CPM: variants seen among roughly 807,000 people sequenced by gnomAD.
CPM encodes renal carboxypeptidase.
In CPM, 35 loss-of-function variants were observed where a neutral mutation model predicts 46.4. The observed-to-expected ratio is 0.75, with a 90% confidence interval of 0.58 to 1.00. The LOEUF (loss-of-function observed/expected upper bound fraction) is 1.00. Ranked by LOEUF, CPM falls within the 50% of genes least tolerant of loss-of-function variation. The pLI, the probability that CPM is intolerant of heterozygous loss-of-function variation, is 0.00. For missense variants in CPM, 422 were observed against 530.4 expected, an observed-to-expected ratio of 0.80 and a Z score of 2.01; for synonymous variants, 195 against 195.3, an observed-to-expected ratio of 1.00 and a Z score of 0.01.
At chr12:68,928,243 C>T (rs899998649) in intron 2 of CPM, among the ~76,000 whole-genome samples, 5 of 152,194 alleles carry the variant, frequency 3.3e-5, no homozygotes, top group Non-Finnish European at 7.3e-5. Flanking sequence ...TGATCTTTGA[C>T]AAACCTGAGA....
intron 2 of CPM, among the ~76,000 whole-genome samples, chr12:68,929,044 A>T (rs1264430828): frequency 6.6e-6 from 1 of 151,956 alleles, no homozygotes; most frequent in African/African-American, 2.4e-5. Flanking sequence ...AGGAAATCTC[A>T]TTTAAAATGG....
chr12:68,925,758 T>G (rs956561482), intron 2 of CPM, among the ~76,000 whole-genome samples: 18 of 152,170 alleles, frequency 1.2e-4, no homozygotes, highest in African/African-American at 4.1e-4. Context: ...TGAACTAGAA[T>G]TCCTTTTGTA....
intron 1 of CPM, chr12:68,957,789 C>G (rs1282383824): frequency 6.6e-6 from 1 of 151,892 alleles, no homozygotes; most frequent in Non-Finnish European, 1.5e-5. Context: ...TTTGCTGCAC[C>G]CATCAACTCA....
At chr12:68,926,934 G>A (rs930449814) in intron 2 of CPM, among the ~76,000 whole-genome samples, 1 of 152,194 alleles carries the variant, frequency 6.6e-6, no homozygotes, top group Non-Finnish European at 1.5e-5. Context: ...TGGTGTATAT[G>A]TGCCACATTT....
rs1187581090 is a variant in CPM, at chr12:68,853,846, G to C, written c.*2591C>G. The C allele has an allele frequency of 6.6e-6, 1 of 152,044 alleles. No individual in the cohort carries two copies. The highest frequency in any genetic ancestry group is 1.5e-5 in the Non-Finnish European group (1 of 68,002). The allele number at this position is 152,044 out of a possible 1,614,324, so 9.4% of individuals were successfully genotyped here. ...GAAAGGAGGGAGGAAGGTAGGAAGA[G>C]GAGAAGGAAGGAAGAAAGGAAAGAA... On this transcript the variant is annotated 3_prime_UTR_variant, in exon 9 of 9. Coordinates refer to ENST00000551568, the MANE Select transcript of CPM (RefSeq NM_198320.5).
In CPM at chr12:68,877,245, C is replaced by A. The variant is rs1885998878; in HGVS notation, c.259-5289G>T. On this transcript the variant is annotated intron_variant, in intron 3 of 8. Transcript: ENST00000551568. Reference sequence around the variant, plus strand: ...ACTGACCTCCCTTTCTCTAACTCCACCATCGAAGCCCCGAAGTCAGGGACC... The same window carrying A: ...ACTGACCTCCCTTTCTCTAACTCCAACATCGAAGCCCCGAAGTCAGGGACC... Among the ~76,000 whole-genome samples the A allele has an allele frequency of 2.0e-5, 3 of 152,178 alleles. No individual in the cohort carries two copies. In the South Asian group the frequency reaches 6.2e-4, roughly 32 times the overall value.
intron 2 of CPM, among the ~76,000 whole-genome samples, chr12:68,931,756 AAAAAAAAAAAG>A (rs2136322954): frequency 6.7e-6 from 1 of 148,800 alleles, no homozygotes; most frequent in East Asian, 1.9e-4. Flanking sequence ...AAAAAAAAAA[AAAAAAAAAAAG>A]AAAGAAAGAA....
At chr12:68,902,005 A>G (rs1284768353) in intron 2 of CPM, among the ~76,000 whole-genome samples, 2 of 152,202 alleles carry the variant, frequency 1.3e-5, no homozygotes, top group East Asian at 1.9e-4. Flanking sequence ...ATATGCATCA[A>G]TGCAGGACCA....
intron 2 of CPM, among the ~76,000 whole-genome samples, chr12:68,890,577 C>A (rs1886614735): frequency 6.6e-6 from 1 of 151,930 alleles, no homozygotes; most frequent in Non-Finnish European, 1.5e-5. Flanking sequence ...GGATCTAAGG[C>A]TGCCTCAATG....
intron 2 of CPM, among the ~76,000 whole-genome samples, chr12:68,894,083 C>A (rs1259296916): frequency 1.3e-5 from 2 of 152,154 alleles, no homozygotes; most frequent in Non-Finnish European, 2.9e-5. Flanking sequence ...CTCCACCCCA[C>A]CCCTTGGCTG....
chr12:68,875,180 G>A lies in CPM; in HGVS notation c.259-3224C>T, dbSNP rs184404632. ...AGCCTGGGCAACATGGTAAAACCTCGTCTCTACTAAAAATACAAAAATTAG... is the reference window on the plus strand; with the variant it reads ...AGCCTGGGCAACATGGTAAAACCTCATCTCTACTAAAAATACAAAAATTAG... On this transcript the variant is annotated intron_variant, in intron 3 of 8. Coordinates refer to ENST00000551568, the MANE Select transcript of CPM (RefSeq NM_198320.5). 4.6e-5 allele frequency among the ~76,000 whole-genome samples: 7 copies of A among 151,916 alleles called. No individual in the cohort carries two copies. In the East Asian group the frequency reaches 1.2e-3, roughly 25 times the overall value.
rs140273325 is a variant in CPM, at chr12:68,902,125, G to A, written c.161-16236C>T. 3.8e-3 allele frequency among the ~76,000 whole-genome samples: 580 copies of A among 152,132 alleles called. 2 individuals carry two copies. The highest frequency in any genetic ancestry group is 0.013 in the African/African-American group (555 of 41,506). Reference sequence around the variant, plus strand: ...ATCACTCAACCTCTTTCCAAGGAGAGGTAAATATGAGCTTTGTTTACCTTT... The same window carrying A: ...ATCACTCAACCTCTTTCCAAGGAGAAGTAAATATGAGCTTTGTTTACCTTT... On this transcript the variant is annotated intron_variant, in intron 2 of 8. Coordinates refer to ENST00000551568, the MANE Select transcript of CPM (RefSeq NM_198320.5).
intron 3 of CPM, among the ~76,000 whole-genome samples, chr12:68,882,027 T>G (rs1019596373): frequency 0.013 from 2,017 of 149,500 alleles, 88 homozygotes; most frequent in African/African-American, 0.048. Context: ...CGGCCTGCTT[T>G]TTTTTTTTTT....
chr12:68,916,906 AAGAG>A (rs1248317169), intron 2 of CPM, among the ~76,000 whole-genome samples: 72 of 142,734 alleles, frequency 5.0e-4, no homozygotes, highest in Non-Finnish European at 9.0e-4. Flanking sequence ...AAAAAAAAAA[AAGAG>A]AGAGAGAGAG....
At chr12:68,867,758 C>A (rs554660851) in intron 6 of CPM, among the ~76,000 whole-genome samples, 1 of 152,194 alleles carries the variant, frequency 6.6e-6, no homozygotes, top group Non-Finnish European at 1.5e-5. Context: ...GTGAACGGCC[C>A]GGCCCCCTGT....
chr12:68,927,917 A>G (rs1240054588), intron 2 of CPM, among the ~76,000 whole-genome samples: 2 of 152,242 alleles, frequency 1.3e-5, no homozygotes, highest in Non-Finnish European at 2.9e-5. Context: ...GGTAGGAAGA[A>G]TCAATATCGT....
chr12:68,871,596 T>C, intron 4 of CPM, 188 bp downstream of exon 4: 1 of 622,020 alleles, frequency 1.6e-6, no homozygotes. Flanking sequence ...AAAGTAGCCT[T>C]ATTTGCATTT....
chr12:68,862,453 C>G (rs1466488209), intron 7 of CPM, among the ~76,000 whole-genome samples: 1 of 138,856 alleles, frequency 7.2e-6, no homozygotes, highest in African/African-American at 2.8e-5. Context: ...AGGCTGGTCT[C>G]GAACTCCTGA....
intron 2 of CPM, among the ~76,000 whole-genome samples, chr12:68,917,164 C>T (rs1887844692): frequency 6.6e-6 from 1 of 152,140 alleles, no homozygotes; most frequent in African/African-American, 2.4e-5. Context: ...TGCTCCTTCA[C>T]CTCCAGGCCT....
Sources: allele counts gnomAD v4.1 joint callset (sites outside exome capture counted in the v4.1 genomes callset), GRCh38; gene constraint gnomAD v4.1.1; transcripts MANE v1.5; gene names NCBI Gene and HGNC (gene_info 2026-07-23, HGNC 2026-07-21).